Variants in PRKD1 observed in about 807,000 individuals in gnomAD.
PRKD1 encodes protein kinase D1.
A neutral mutation model predicts 95.9 loss-of-function variants in PRKD1; 63 were observed. The ratio of observed to expected loss-of-function variants is 0.66; its 90% CI spans 0.54 to 0.81. The LOEUF is 0.81. Among genes scored for constraint, PRKD1 ranks in the 30% least tolerant of loss-of-function variants. The pLI is 0.00. For synonymous variants in PRKD1, 425 were observed against 423.1 expected (o/e 1.00, Z -0.05); for missense variants, 1,048 against 1,165.3 (o/e 0.90, Z 1.47).
chr14:29,602,741 C>A (rs972502232), intron 13 of PRKD1, among the ~76,000 whole-genome samples: 1 of 152,046 alleles, frequency 6.6e-6, no homozygotes, highest in African/African-American at 2.4e-5. Flanking sequence ...TACATGAGTT[C>A]TTAGAGGTAC....
At chr14:29,705,654 T>C (rs573692028) in intron 2 of PRKD1, among the ~76,000 whole-genome samples, 34 of 152,158 alleles carry the variant, frequency 2.2e-4, no homozygotes, top group African/African-American at 7.5e-4. Flanking sequence ...CCCTCAAGCC[T>C]ATGGCAACCA....
At chr14:29,608,518 C>G (rs1005303748) in intron 13 of PRKD1, among the ~76,000 whole-genome samples, 4 of 152,128 alleles carry the variant, frequency 2.6e-5, no homozygotes, top group East Asian at 1.9e-4. Flanking sequence ...AAAAATGAAG[C>G]CCAAATTATA....
At chr14:29,729,677 C>T (rs1886338414) in intron 1 of PRKD1, among the ~76,000 whole-genome samples, 1 of 151,814 alleles carries the variant, frequency 6.6e-6, no homozygotes, top group African/African-American at 2.4e-5. Flanking sequence ...TTTATTATTT[C>T]CATTCTTTAA....
chr14:29,905,092 G>C (rs1894449440), intron 1 of PRKD1, among the ~76,000 whole-genome samples: 1 of 152,130 alleles, frequency 6.6e-6, no homozygotes, highest in South Asian at 2.1e-4. Context: ...AATGTACTTT[G>C]GGCAAACGGT....
chr14:29,716,108 C>G (rs918224141), intron 2 of PRKD1, among the ~76,000 whole-genome samples: 1 of 152,108 alleles, frequency 6.6e-6, no homozygotes, highest in Non-Finnish European at 1.5e-5. Flanking sequence ...CAAAAGTCCC[C>G]TTTGTGTGGT....
At chr14:29,587,669 G>A (rs1317568253) in intron 16 of PRKD1, among the ~76,000 whole-genome samples, 1 of 151,904 alleles carries the variant, frequency 6.6e-6, no homozygotes, top group Non-Finnish European at 1.5e-5. Context: ...TTTCCTAATG[G>A]GACATGCTTT....
intron 13 of PRKD1, among the ~76,000 whole-genome samples, chr14:29,613,014 C>T (rs1299159902): frequency 2.6e-5 from 4 of 152,022 alleles, no homozygotes; most frequent in Non-Finnish European, 5.9e-5. Flanking sequence ...AGGAGAATGG[C>T]GTGAACTCGG....
chr14:29,732,469 C>A (rs942010860), intron 1 of PRKD1, among the ~76,000 whole-genome samples: 1 of 151,982 alleles, frequency 6.6e-6, no homozygotes, highest in Non-Finnish European at 1.5e-5. Context: ...GTTAGAAAAA[C>A]CAAAATAGAA....
rs147312937 is a variant in PRKD1, at chr14:29,733,848, T to C, written c.265-8174A>G. Among the ~76,000 whole-genome samples, 745 of 152,172 alleles carry C rather than the reference T, an allele frequency of 4.9e-3. 2 individuals carry two copies. Among genetic ancestry groups the C allele is most frequent in the African/African-American group, 0.017 (705 of 41,490 alleles). ...CAGTAAACTTTTCATATAAATATTA[T>C]ATTTTTCAGTTCTAAAAGCTGTGTT... On this transcript the variant is annotated intron_variant, in intron 1 of 17. Transcript: ENST00000331968.
At chr14:29,923,920 C>G (rs944413353) in intron 1 of PRKD1, among the ~76,000 whole-genome samples, 2 of 151,112 alleles carry the variant, frequency 1.3e-5, no homozygotes, top group Admixed American at 6.6e-5. Context: ...TTTTTCCTTG[C>G]TTTAAAACAA....
intron 1 of PRKD1, among the ~76,000 whole-genome samples, chr14:29,750,610 A>ACG (rs144576016): frequency 2.7e-5 from 4 of 150,038 alleles, no homozygotes; most frequent in African/African-American, 7.4e-5. Flanking sequence ...GGATGCATGA[A>ACG]CGCGCGCACA....
intron 1 of PRKD1, among the ~76,000 whole-genome samples, chr14:29,790,573 T>C (rs576331753): frequency 2.6e-5 from 4 of 152,306 alleles, no homozygotes; most frequent in South Asian, 4.1e-4. Flanking sequence ...TTTCCCAATG[T>C]CTATGCTAGT....
intron 11 of PRKD1, 106 bp downstream of exon 11, chr14:29,628,935 C>A: frequency 1.3e-6 from 1 of 765,980 alleles, no homozygotes; most frequent in Non-Finnish European, 1.9e-6. Context: ...ATTTTGCTTT[C>A]CAAAATTTAC....
At chr14:29,737,328 CAAAAAAAAAAAAAAAAAAAAAAAA>C (rs796557046) in intron 1 of PRKD1, among the ~76,000 whole-genome samples, 1 of 37,908 alleles carries the variant, frequency 2.6e-5, no homozygotes, top group Admixed American at 4.1e-4. Flanking sequence ...GACTCCGTCT[CAAAAAAAAAAAAAAAAAAAAAAAA>C]AAAAAAAAAA....
intron 1 of PRKD1, among the ~76,000 whole-genome samples, chr14:29,913,889 C>T (rs1894802635): frequency 6.6e-6 from 1 of 152,178 alleles, no homozygotes; most frequent in Non-Finnish European, 1.5e-5. Flanking sequence ...TCTAGTACAG[C>T]TGGAGATGTC....
chr14:29,615,657 C>T lies in PRKD1; in HGVS notation c.1905+8495G>A, dbSNP rs544728084. Among the ~76,000 whole-genome samples, 19 of 152,314 alleles carry T rather than the reference C, an allele frequency of 1.2e-4. 1 individual carries two copies. The Middle Eastern group carries it at 0.01, about 82-fold the overall frequency. On this transcript the variant is annotated intron_variant, in intron 13 of 17. Transcript: ENST00000331968. ...TGTGCTTCCACAGCGATTCTGACTT[C>T]TAACTACTTGTATCTGACTGCCCAA...
chr14:29,714,866 T>TCAAA (rs1252796149), intron 2 of PRKD1, among the ~76,000 whole-genome samples: 1 of 151,390 alleles, frequency 6.6e-6, no homozygotes, highest in Non-Finnish European at 1.5e-5. Flanking sequence ...GAACAGAAAA[T>TCAAA]CAAACACCGC....
At position 29,900,764 on chromosome 14, in the gene PRKD1, A is replaced by C. The variant is rs538324927; in HGVS notation, c.264+26485T>G. Among the ~76,000 whole-genome samples, 21 of 152,316 alleles carry C rather than the reference A, an allele frequency of 1.4e-4. No homozygotes were observed. In the South Asian group the frequency reaches 4.1e-3, roughly 30 times the overall value. ...CATCACTAATCATCAGAGAAATGCAAATCAAAACCACAATGAGATACCATC... is the reference window on the plus strand; with the variant it reads ...CATCACTAATCATCAGAGAAATGCACATCAAAACCACAATGAGATACCATC... On this transcript the variant is annotated intron_variant, in intron 1 of 17. Transcript: ENST00000331968.
At chr14:29,685,076 T>C (rs958563770) in intron 2 of PRKD1, among the ~76,000 whole-genome samples, 8 of 152,252 alleles carry the variant, frequency 5.3e-5, no homozygotes, top group Admixed American at 2.0e-4. Context: ...TCAGATTCCC[T>C]GGCTTATATC....
Sources: gnomAD v4.1 joint callset for allele counts (sites outside exome capture counted in the v4.1 genomes callset) on GRCh38, gnomAD v4.1.1 for gene constraint, MANE v1.5 for transcripts, NCBI Gene and HGNC (gene_info 2026-07-23, HGNC 2026-07-21) for gene names.